COL25A1: variants seen among roughly 807,000 people sequenced by gnomAD.
The protein encoded by COL25A1 is collagen type XXV alpha 1 chain.
In COL25A1, 103 loss-of-function variants were observed where a neutral mutation model predicts 128.4. The ratio of observed to expected loss-of-function variants is 0.80; its 90% CI spans 0.68 to 0.94. COL25A1 has a LOEUF of 0.94. Among genes scored for constraint, COL25A1 ranks in the 40% least tolerant of loss-of-function variants. COL25A1 has a pLI of 0.00. For synonymous variants in COL25A1, 279 were observed against 277.2 expected, an observed-to-expected ratio of 1.01 and a Z score of -0.06; for missense variants, 745 against 840.0, an observed-to-expected ratio of 0.89 and a Z score of 1.40.
intron 3 of COL25A1, among the ~76,000 whole-genome samples, chr4:109,149,830 T>G (rs1318813578): frequency 6.6e-6 from 1 of 152,174 alleles, no homozygotes; most frequent in Non-Finnish European, 1.5e-5. Flanking sequence ...TCTACAGGAT[T>G]AGATGAATGA....
chr4:109,146,495 T>C (rs1770956896), intron 3 of COL25A1, among the ~76,000 whole-genome samples: 1 of 152,254 alleles, frequency 6.6e-6, no homozygotes, highest in African/African-American at 2.4e-5. Flanking sequence ...TAAGGGCAAG[T>C]CCCACAAAGC....
chr4:109,191,946 A>C (rs2126163253), intron 3 of COL25A1, among the ~76,000 whole-genome samples: 1 of 152,224 alleles, frequency 6.6e-6, no homozygotes, highest in East Asian at 1.9e-4. Flanking sequence ...CTCTAAAAGA[A>C]ATAAAATTAA....
chr4:108,918,569 G>A (rs1030879075), intron 12 of COL25A1, among the ~76,000 whole-genome samples: 6 of 152,170 alleles, frequency 3.9e-5, no homozygotes, highest in African/African-American at 7.2e-5. Flanking sequence ...ACCAGTAGCA[G>A]TAACACTTGC....
intron 3 of COL25A1, among the ~76,000 whole-genome samples, chr4:109,070,617 A>G (rs1046916705): frequency 6.6e-6 from 1 of 151,704 alleles, no homozygotes; most frequent in Admixed American, 6.6e-5. Flanking sequence ...TACATGTGCC[A>G]TGTTGGTGTG....
intron 3 of COL25A1, among the ~76,000 whole-genome samples, chr4:109,052,342 C>G (rs529730290): frequency 1.3e-5 from 2 of 152,256 alleles, no homozygotes; most frequent in Non-Finnish European, 2.9e-5. Context: ...TGTGGAAAAT[C>G]TGCTTGTCAT....
intron 3 of COL25A1, among the ~76,000 whole-genome samples, chr4:109,216,617 G>T (rs1778018540): frequency 6.6e-6 from 1 of 152,110 alleles, no homozygotes; most frequent in African/African-American, 2.4e-5. Flanking sequence ...GAGCTCTTCT[G>T]CCACAAGCCA....
At chr4:108,992,941 GT>G (rs1754367115) in intron 6 of COL25A1, among the ~76,000 whole-genome samples, 2 of 151,828 alleles carry the variant, frequency 1.3e-5, no homozygotes, top group Non-Finnish European at 2.9e-5. Context: ...CATTTTTCAT[GT>G]ACAACATGAT....
chr4:108,890,960 A>AT (rs1243054961), intron 16 of COL25A1, among the ~76,000 whole-genome samples: 2 of 152,190 alleles, frequency 1.3e-5, no homozygotes, highest in Non-Finnish European at 2.9e-5. Context: ...ACTCCGTAGC[A>AT]TCATGCTCTG....
At chr4:109,121,065 T>C (rs1375786118) in intron 3 of COL25A1, among the ~76,000 whole-genome samples, 2 of 151,948 alleles carry the variant, frequency 1.3e-5, no homozygotes, top group African/African-American at 4.8e-5. Flanking sequence ...CCAATCAAAA[T>C]CCCAGCAAGT....
rs1201571259 is a variant in COL25A1, at chr4:108,859,706, C to T, written c.1270G>A (p.Gly424Arg). 1 of 1,613,748 alleles carries T rather than the reference C, an allele frequency of 6.2e-7. No homozygotes were observed. Among genetic ancestry groups the T allele is most frequent in the Non-Finnish European group, 8.5e-7 (1 of 1,179,914 alleles). Residue 424 changes from glycine to arginine, a missense_variant, in exon 24 of 38, where the codon GGA becomes AGA. Gly to Arg is a moderately radical substitution (Grantham distance 125, BLOSUM62 -2). Coordinates refer to ENST00000399132, the MANE Select transcript of COL25A1 (RefSeq NM_198721.4). ...RGPPGQKGDQ[G>R]ATEIIDYNGN... ...TTGTAGTCTATGATCTCAGTGGCTC[C>T]TTGATCCCCTTTTTGACCAGGTGGA...
intron 35 of COL25A1, among the ~76,000 whole-genome samples, chr4:108,822,156 G>C: frequency 6.8e-6 from 1 of 147,910 alleles, no homozygotes; most frequent in East Asian, 2.0e-4. Context: ...CGATTCTCCT[G>C]CCTCAGCCTC....
chr4:109,024,030 A>C (rs1758005169), intron 5 of COL25A1, among the ~76,000 whole-genome samples: 1 of 152,210 alleles, frequency 6.6e-6, no homozygotes, highest in Admixed American at 6.5e-5. Context: ...TACCCATACA[A>C]CTATCCTGTT....
chr4:109,267,734 A>G (rs1341077748), intron 3 of COL25A1, among the ~76,000 whole-genome samples: 1 of 152,102 alleles, frequency 6.6e-6, no homozygotes, highest in Non-Finnish European at 1.5e-5. Flanking sequence ...CAGATTTTGG[A>G]TTTTCCAGAT....
At chr4:109,126,330 T>A (rs1245092283) in intron 3 of COL25A1, among the ~76,000 whole-genome samples, 1 of 152,162 alleles carries the variant, frequency 6.6e-6, no homozygotes, top group Non-Finnish European at 1.5e-5. Context: ...GGAATAAGAA[T>A]GTATTTGCAA....
intron 5 of COL25A1, among the ~76,000 whole-genome samples, chr4:109,013,157 C>T (rs187625750): frequency 6.6e-6 from 1 of 152,246 alleles, no homozygotes; most frequent in African/African-American, 2.4e-5. Flanking sequence ...CCAATCAGTG[C>T]TCTGTGTCTA....
intron 8 of COL25A1, among the ~76,000 whole-genome samples, chr4:108,946,706 G>A (rs949411777): frequency 1.1e-4 from 16 of 152,160 alleles, no homozygotes; most frequent in African/African-American, 3.9e-4. Context: ...AGTTGGCGGG[G>A]GGGCTACAAA....
Position 109,301,312 on chromosome 4 carries a change from C to G in COL25A1, c.297+411G>C, listed in dbSNP as rs555480844. 9.7e-4 allele frequency among the ~76,000 whole-genome samples: 147 copies of G among 152,202 alleles called. 1 individual carries two copies. Among genetic ancestry groups the G allele is most frequent in the Non-Finnish European group, 1.3e-3 (85 of 67,996 alleles). On this transcript the variant is annotated intron_variant, in intron 2 of 37. Transcript: ENST00000399132. ...ATTATTTTACATTTAAGAGTGATTA[C>G]CTTTTTTATATATTAATAACATCTA...
chr4:108,893,172 A>G (rs1741719650), intron 16 of COL25A1, among the ~76,000 whole-genome samples: 1 of 152,276 alleles, frequency 6.6e-6, no homozygotes, highest in Admixed American at 6.5e-5. Flanking sequence ...AGATGAAGAC[A>G]GTGTGAATAC....
At position 108,839,552 on chromosome 4, in the gene COL25A1, G is replaced by A. The variant is rs148122333; in HGVS notation, c.1656+2143C>T. On this transcript the variant is annotated intron_variant, in intron 31 of 37. Transcript: ENST00000399132. ...TTGCATGTGTGTGCACTTTCAGCAC[G>A]TGGTCTTGAGGTACTTGAGGTTAAA... is the stretch of plus-strand genomic sequence containing the variant. Among the ~76,000 whole-genome samples, 11 of 152,276 alleles carry A rather than the reference G, an allele frequency of 7.2e-5. No homozygotes were observed. The East Asian group carries it at 2.1e-3, about 29-fold the overall frequency.
Sources: allele counts gnomAD v4.1 joint callset (sites outside exome capture counted in the v4.1 genomes callset), GRCh38; gene constraint gnomAD v4.1.1; transcripts MANE v1.5; gene names NCBI Gene and HGNC (gene_info 2026-07-23, HGNC 2026-07-21).